GPATCH2: variants seen among roughly 807,000 people sequenced by gnomAD.
GPATCH2 encodes G patch domain-containing protein 2.
In GPATCH2, 51 loss-of-function variants were observed where a neutral mutation model predicts 58.0. The observed-to-expected ratio is 0.88, with a 90% CI of 0.70 to 1.11. GPATCH2 has a LOEUF of 1.11. Ranked by LOEUF, GPATCH2 falls within the 50% of genes most tolerant of loss-of-function variation. The pLI is 0.00. For synonymous variants in GPATCH2, 222 were observed against 218.5 expected (o/e 1.02, Z -0.14); for missense variants, 625 against 652.2 (o/e 0.96, Z 0.45).
At chr1:217,471,402 C>G (rs1370975604) in intron 8 of GPATCH2, among the ~76,000 whole-genome samples, 1 of 152,094 alleles carries the variant, frequency 6.6e-6, no homozygotes, top group African/African-American at 2.4e-5. Context: ...TTATTTTTGG[C>G]AAACCTGCAA....
intron 5 of GPATCH2, among the ~76,000 whole-genome samples, chr1:217,540,263 C>T (rs2102642718): frequency 6.6e-6 from 1 of 152,162 alleles, no homozygotes; most frequent in Admixed American, 6.5e-5. Context: ...GACAGATGAA[C>T]AGGAAGTAAG....
chr1:217,564,271 C>T (rs1296636472), intron 5 of GPATCH2, among the ~76,000 whole-genome samples: 1 of 152,034 alleles, frequency 6.6e-6, no homozygotes, highest in Non-Finnish European at 1.5e-5. Context: ...CAGTTGTCAC[C>T]TTGCAGCTCA....
At chr1:217,510,673 G>C (rs1662801251) in intron 6 of GPATCH2, among the ~76,000 whole-genome samples, 1 of 152,026 alleles carries the variant, frequency 6.6e-6, no homozygotes, top group Non-Finnish European at 1.5e-5. Context: ...TTGGTAAATG[G>C]AAATAAAAGG....
chr1:217,620,554 T>A, intron 1 of GPATCH2, 55 bp from the exon 2 acceptor site: 1 of 967,130 alleles, frequency 1.0e-6, no homozygotes. Flanking sequence ...CACAGTAACC[T>A]CATTTTCTAT....
In GPATCH2 at chr1:217,512,521, G is replaced by A. The variant is rs148688789; in HGVS notation, c.1166+2301C>T. Among the ~76,000 whole-genome samples the A allele has an allele frequency of 9.6e-3, 1,456 of 152,250 alleles. 9 individuals are homozygous for A. The highest frequency in any genetic ancestry group is 0.016 in the Non-Finnish European group (1,105 of 68,022). Reference sequence around the variant, plus strand: ...AGGATTTCTCTGACAAAGAGCATGAGCCTGCTGACAAAGATTTCCTAAAGA... The same window carrying A: ...AGGATTTCTCTGACAAAGAGCATGAACCTGCTGACAAAGATTTCCTAAAGA... On this transcript the variant is annotated intron_variant, in intron 6 of 9. Transcript: ENST00000366935.
At chr1:217,587,351 T>C (rs1268663655) in intron 5 of GPATCH2, among the ~76,000 whole-genome samples, 2 of 152,198 alleles carry the variant, frequency 1.3e-5, no homozygotes, top group Non-Finnish European at 2.9e-5. Flanking sequence ...AGACAAACTG[T>C]ACCACTGAAC....
At chr1:217,453,926 C>G (rs900586876) in intron 8 of GPATCH2, among the ~76,000 whole-genome samples, 1 of 152,140 alleles carries the variant, frequency 6.6e-6, no homozygotes, top group South Asian at 2.1e-4. Flanking sequence ...AGCTGCAAAA[C>G]AGACAAACAG....
At chr1:217,483,855 T>C (rs1413355869) in intron 8 of GPATCH2, among the ~76,000 whole-genome samples, 1 of 152,226 alleles carries the variant, frequency 6.6e-6, no homozygotes, top group Non-Finnish European at 1.5e-5. Context: ...TTCAGAGTTG[T>C]TTACATATTC....
chr1:217,630,751 G>A (rs1233927489), intron 1 of GPATCH2, among the ~76,000 whole-genome samples, 165 bp downstream of exon 1: 2 of 152,202 alleles, frequency 1.3e-5, no homozygotes, highest in Non-Finnish European at 2.9e-5. Context: ...ACACCCAAGA[G>A]CTCCCTCAAA....
At chr1:217,434,236 T>C (rs1180124802) in intron 9 of GPATCH2, among the ~76,000 whole-genome samples, 1 of 152,170 alleles carries the variant, frequency 6.6e-6, no homozygotes, top group Non-Finnish European at 1.5e-5. Context: ...AAGGGCAAAA[T>C]GCATATACAG....
At chr1:217,433,690 C>A (rs1658667136) in intron 9 of GPATCH2, among the ~76,000 whole-genome samples, 1 of 152,110 alleles carries the variant, frequency 6.6e-6, no homozygotes, top group Non-Finnish European at 1.5e-5. Flanking sequence ...GCCACCACAC[C>A]CAAACTGTAC....
chr1:217,578,484 T>G (rs192335341), intron 5 of GPATCH2, among the ~76,000 whole-genome samples: 1 of 152,280 alleles, frequency 6.6e-6, no homozygotes, highest in East Asian at 1.9e-4. Flanking sequence ...ACTCCTGGAT[T>G]CAAGCAATTC....
chr1:217,484,591 A>G (rs934910350), intron 8 of GPATCH2, among the ~76,000 whole-genome samples: 1 of 148,284 alleles, frequency 6.7e-6, no homozygotes, highest in Non-Finnish European at 1.5e-5. Context: ...GCACATATAC[A>G]CGTGTGCATA....
rs776877439 is a variant in GPATCH2 at position 217,619,842 on chromosome 1, G to A, written c.714C>T (p.Thr238=). 6.2e-7 allele frequency: 1 copy of A among 1,613,096 alleles called. No homozygotes were observed. Among genetic ancestry groups the A allele is most frequent in the Non-Finnish European group, 8.5e-7 (1 of 1,179,514 alleles). ...CTTCACATTCCATTTTGTCCTTATT[G>A]GTCTGGTTCGTTTCCTCACTTTCTA... ...VVLESEETNQ[T]NKDKMECEEQ... The change falls in exon 2 of 10, where the codon ACC becomes ACT. Residue 238 remains threonine (T), a synonymous_variant. Transcript: ENST00000366935.
intron 5 of GPATCH2, among the ~76,000 whole-genome samples, chr1:217,593,428 A>G (rs1408435478): frequency 6.6e-6 from 1 of 152,116 alleles, no homozygotes; most frequent in East Asian, 1.9e-4. Flanking sequence ...TTTATGGAAA[A>G]GGAGAGTGCA....
At chr1:217,522,702 C>A (rs1663528868) in intron 5 of GPATCH2, among the ~76,000 whole-genome samples, 1 of 148,824 alleles carries the variant, frequency 6.7e-6, no homozygotes, top group African/African-American at 2.6e-5. Flanking sequence ...ATTAGATTGG[C>A]AATCTATATA....
At chr1:217,576,966 TA>T (rs1666836444) in intron 5 of GPATCH2, among the ~76,000 whole-genome samples, 1 of 152,194 alleles carries the variant, frequency 6.6e-6, no homozygotes. Context: ...CATAGTTTTT[TA>T]AAACTCTAAA....
At chr1:217,456,859 G>A (rs1433541458) in intron 8 of GPATCH2, among the ~76,000 whole-genome samples, 3 of 152,198 alleles carry the variant, frequency 2.0e-5, no homozygotes, top group African/African-American at 4.8e-5. Context: ...CAGAATAGGT[G>A]TGTGCGCTAA....
At chr1:217,432,899 T>C (rs1355574290) in intron 9 of GPATCH2, among the ~76,000 whole-genome samples, 1 of 152,146 alleles carries the variant, frequency 6.6e-6, no homozygotes, top group African/African-American at 2.4e-5. Flanking sequence ...TACTACACTT[T>C]CCAAATATCA....
Sources: gnomAD v4.1 joint callset for allele counts (sites outside exome capture counted in the v4.1 genomes callset) on GRCh38, gnomAD v4.1.1 for gene constraint, MANE v1.5 for transcripts, NCBI Gene and HGNC (gene_info 2026-07-23, HGNC 2026-07-21) for gene names.